Variants in CEP295NL observed in about 807,000 individuals in gnomAD.
CEP295NL encodes CEP295 N-terminal like, also known as protein DDC8 homolog.
In CEP295NL, 3 loss-of-function variants were observed where a neutral mutation model predicts 4.6. That is an observed-to-expected ratio of 0.65 (90% CI 0.30 to 1.69). CEP295NL has a LOEUF of 1.69. Among genes scored for constraint, CEP295NL ranks in the 40% most tolerant of loss-of-function variants. CEP295NL has a pLI of 0.10. For synonymous variants in CEP295NL, 295 were observed against 312.2 expected (o/e 0.94, Z 0.58); for missense variants, 719 against 769.0 (o/e 0.93, Z 0.77).
rs535818197 is a variant in CEP295NL, at chr17:78,890,871, G to T, written c.1633C>A (p.Gln545Lys). ...AGATGGGCCAGTCGAGCTCTTCTTT[G>T]CTCCCTCCTCTCTTTTTCTAGCTCA... ...KAELEKERRE[Q>K]RRARLAHLKS... Residue 545 changes from glutamine to lysine, a missense_variant, in exon 3 of 3, where the codon CAA becomes AAA. Physicochemically the swap from Gln to Lys is moderately conservative, Grantham distance 53. Transcript: ENST00000322630. The T allele has an allele frequency of 1.8e-4, 281 of 1,550,604 alleles. No individual in the cohort carries two copies. The African/African-American group carries it at 3.7e-3, about 20-fold the overall frequency.
In CEP295NL at chr17:78,896,819, C is replaced by G. The variant is rs569595687; in HGVS notation, c.45-4360G>C. On this transcript the variant is annotated intron_variant, in intron 2 of 2. Transcript: ENST00000322630. This position sits in a 1 kb window ranked among gnomAD's most constrained non-coding sequence, Gnocchi z 4.4. The stretch of plus-strand genomic sequence containing the variant: ...ACTGGGCCCATTCTCCTCTCTTGCT[C>G]TCTACAGCCCCGTGGCCCCAGCGCA... 1.6e-6 allele frequency: 1 copy of G among 622,686 alleles called. No homozygotes were observed. The highest frequency in any genetic ancestry group is 1.4e-4 in the East Asian group (1 of 7,184). 38.6% of individuals were successfully genotyped at this position (622,686 alleles called of 1,614,324 possible).
intron 1 of CEP295NL, 21 bp downstream of exon 1, chr17:78,903,113 T>C (rs554821643): frequency 6.6e-6 from 1 of 152,412 alleles, no homozygotes; most frequent in African/African-American, 2.4e-5. Flanking sequence ...AGCCCCGCAG[T>C]GGTCTCAGGG....
Position 78,891,495 on chromosome 17 carries a change from A to G in CEP295NL, c.1009T>C (p.Trp337Arg). 6.4e-7 allele frequency: 1 copy of G among 1,551,132 alleles called. No individual in the cohort carries two copies. The highest frequency in any genetic ancestry group is 8.7e-7 in the Non-Finnish European group (1 of 1,147,122). ...SQCTLREKNKWQKELELAFEE... is the reference protein window; with the variant it reads ...SQCTLREKNKRQKELELAFEE... ...AAGGCCAACTCCAGCTCTTTCTGCC[A>G]CTTGTTCTTCTCCCGGAGCGTGCAC... Residue 337 changes from tryptophan to arginine, a missense_variant, in exon 3 of 3, where the codon TGG becomes CGG. Coordinates refer to ENST00000322630, the MANE Select transcript of CEP295NL (RefSeq NM_001243540.2). The surrounding 1 kb of genome is among the most constrained non-coding windows in gnomAD (Gnocchi z 4.5).
chr17:78,900,779 T>C lies in CEP295NL; in HGVS notation c.44+1006A>G, dbSNP rs1265664161. ...AATCTTACAAGATAAAAAAAGGTAA[T>C]GGGAACACATCTAAAACTTATATGT... On this transcript the variant is annotated intron_variant, in intron 2 of 2. Transcript: ENST00000322630. Among the ~76,000 whole-genome samples the C allele has an allele frequency of 3.9e-5, 6 of 152,142 alleles. No individual in the cohort carries two copies. In the East Asian group the frequency reaches 9.6e-4, roughly 24 times the overall value.
chr17:78,891,641 A>T lies in CEP295NL; in HGVS notation c.863T>A (p.Phe288Tyr). The T allele has an allele frequency of 6.4e-7, 1 of 1,550,876 alleles. No homozygotes were observed. The highest frequency in any genetic ancestry group is 8.7e-7 in the Non-Finnish European group (1 of 1,147,086). ...AGAGCGACTGGTCAGGGCTGGAACA[A>T]AGCAAACTGCCCCCTTTCCCAGTTG... ...RRQLGKGAVCFVPALTSRSQG... is the reference protein window; with the variant it reads ...RRQLGKGAVCYVPALTSRSQG... The change falls in exon 3 of 3, where the codon TTT becomes TAT. Residue 288 changes from phenylalanine to tyrosine, a missense_variant. Transcript: ENST00000322630. This position sits in a 1 kb window ranked among gnomAD's most constrained non-coding sequence, Gnocchi z 4.5.
chr17:78,900,892 A>G (rs936477813), intron 2 of CEP295NL: 12 of 152,290 alleles, frequency 7.9e-5, no homozygotes, highest in Non-Finnish European at 1.0e-4. Context: ...AGAAGGGCCA[A>G]CGTGACTGTC....
intron 2 of CEP295NL, among the ~76,000 whole-genome samples, chr17:78,894,753 A>G (rs2069970830): frequency 6.6e-6 from 1 of 152,294 alleles, no homozygotes; most frequent in Non-Finnish European, 1.5e-5. Flanking sequence ...GATTTCTTAG[A>G]TACAACACCA....
Position 78,891,059 on chromosome 17 carries a change from T to C in CEP295NL, c.1445A>G (p.Glu482Gly). 1 of 1,551,120 alleles carries C rather than the reference T, an allele frequency of 6.4e-7. No homozygotes were observed. Among genetic ancestry groups the C allele is most frequent in the African/African-American group, 1.4e-5 (1 of 73,182 alleles). ...QETPKLGTLA[E>G]GSLQLHLQDQ... Reference sequence around the variant, plus strand: ...TTGAAGGTGGAGCTGAAGGGAGCCCTCTGCCAGCGTGCCCAGTTTGGGGGT... The same window carrying C: ...TTGAAGGTGGAGCTGAAGGGAGCCCCCTGCCAGCGTGCCCAGTTTGGGGGT... Residue 482 changes from glutamate (E) to glycine (G), a missense_variant, in exon 3 of 3, where the codon GAG (glutamate) becomes GGG (glycine). Physicochemically the swap from Glu to Gly is moderately conservative, Grantham distance 98 (BLOSUM62 -2). Coordinates refer to ENST00000322630, the MANE Select transcript of CEP295NL (RefSeq NM_001243540.2). This position sits in a 1 kb window ranked among gnomAD's most constrained non-coding sequence, Gnocchi z 4.5.
chr17:78,891,391 C>T lies in CEP295NL; in HGVS notation c.1113G>A (p.Gln371=), dbSNP rs769609595. Reference sequence around the variant, plus strand: ...AGAAGGCATGCCCTTCCCCAGGTCTCTGGTCCATCCTGGGCTTCAGTGCCA... The same window carrying T: ...AGAAGGCATGCCCTTCCCCAGGTCTTTGGTCCATCCTGGGCTTCAGTGCCA... ...LYLALKPRMD[Q]RPGEGHAFSE... is the part of the protein sequence containing the mutation. The change falls in exon 3 of 3, where the codon CAG becomes CAA. Residue 371 remains glutamine (Q), a synonymous_variant. Transcript: ENST00000322630. The surrounding 1 kb of genome is among the most constrained non-coding windows in gnomAD (Gnocchi z 4.5). The T allele has an allele frequency of 2.9e-4, 446 of 1,550,616 alleles. No individual in the cohort carries two copies. Among genetic ancestry groups the T allele is most frequent in the Non-Finnish European group, 3.4e-4 (387 of 1,147,050 alleles).
rs1402313992 is a variant in CEP295NL, at chr17:78,891,635, G to A, written c.869C>T (p.Pro290Leu). ...QLGKGAVCFV[P>L]ALTSRSQGQS... ...TCCCTGAGAGCGACTGGTCAGGGCT[G>A]GAACAAAGCAAACTGCCCCCTTTCC... Residue 290 changes from proline (P) to leucine (L), a missense_variant, in exon 3 of 3, where the codon CCA becomes CTA. Physicochemically the swap from Pro to Leu is moderately conservative, Grantham distance 98. Coordinates refer to ENST00000322630, the MANE Select transcript of CEP295NL (RefSeq NM_001243540.2). This position sits in a 1 kb window ranked among gnomAD's most constrained non-coding sequence, Gnocchi z 4.5. 8 of 1,550,818 alleles carry A rather than the reference G, an allele frequency of 5.2e-6. No individual in the cohort carries two copies. The highest frequency in any genetic ancestry group is 1.7e-4 in the Middle Eastern group (1 of 6,014).
intron 2 of CEP295NL, chr17:78,899,967 T>G (rs183672125): frequency 9.2e-5 from 14 of 152,316 alleles, no homozygotes; most frequent in Admixed American, 2.6e-4. Context: ...TCCATATAAT[T>G]AGAGCTTACC....
At position 78,896,362 on chromosome 17, in the gene CEP295NL, C is replaced by A. The variant is rs1001895824; in HGVS notation, c.45-3903G>T. 6.6e-6 allele frequency among the ~76,000 whole-genome samples: 1 copy of A among 152,202 alleles called. No individual in the cohort carries two copies. Among genetic ancestry groups the A allele is most frequent in the African/African-American group, 2.4e-5 (1 of 41,448 alleles). ...CTCTGCCTGTGATGCCCAGGCTGAT[C>A]TCCAGGCAGCCCAGTGTCTCTCCAG... On this transcript the variant is annotated intron_variant, in intron 2 of 2. Transcript: ENST00000322630. This position sits in a 1 kb window ranked among gnomAD's most constrained non-coding sequence, Gnocchi z 4.4.
At chr17:78,895,433 C>T (rs1045867528) in intron 2 of CEP295NL, among the ~76,000 whole-genome samples, 24 of 152,208 alleles carry the variant, frequency 1.6e-4, no homozygotes, top group Admixed American at 1.6e-3. Context: ...GTCCTGCCAC[C>T]TCACATCCAC....
chr17:78,897,455 G>GT (rs2070020892), intron 2 of CEP295NL: 1 of 152,218 alleles, frequency 6.6e-6, no homozygotes, highest in Non-Finnish European at 1.5e-5. Flanking sequence ...CAGGGCGGTT[G>GT]TAACAAAGGC....
In CEP295NL at chr17:78,891,304, C is replaced by A. The variant is rs1314621932; in HGVS notation, c.1200G>T (p.Met400Ile). Residue 400 changes from methionine to isoleucine, a missense_variant, in exon 3 of 3, where the codon ATG becomes ATT. Physicochemically the swap from Met to Ile is conservative, Grantham distance 10. Transcript: ENST00000322630. The surrounding 1 kb of genome is among the most constrained non-coding windows in gnomAD (Gnocchi z 4.5). ...GGCTCCTGGGTTCCCCGGCAGGCAG[C>A]ATCTCTGGGTCTGCCATTTTCTTCC... The part of the protein sequence containing the change: ...PRGKKMADPE[M>I]LPAGEPRSPA... 1 of 1,550,552 alleles carries A rather than the reference C, an allele frequency of 6.4e-7. No homozygotes were observed. Among genetic ancestry groups the A allele is most frequent in the Non-Finnish European group, 8.7e-7 (1 of 1,146,966 alleles).
chr17:78,893,488 G>C (rs2069950032), intron 2 of CEP295NL, among the ~76,000 whole-genome samples: 1 of 148,196 alleles, frequency 6.7e-6, no homozygotes, highest in South Asian at 2.1e-4. Context: ...TGTGTGTGCA[G>C]GGGTGTGTGC....
Position 78,892,393 on chromosome 17 carries a change from A to C in CEP295NL, c.111T>G (p.Thr37=). The C allele has an allele frequency of 6.4e-7, 1 of 1,550,516 alleles. No individual in the cohort carries two copies. The highest frequency in any genetic ancestry group is 8.7e-7 in the Non-Finnish European group (1 of 1,146,996). Residue 37 remains threonine (T), a synonymous_variant, in exon 3 of 3, where the codon ACT becomes ACG. Transcript: ENST00000322630. The part of the protein sequence containing the change: ...SGPGAPLEPS[T]LGSKHLPWEA... ...CCCAGGGAAGGTGCTTGGAGCCAAGAGTGGAGGGTTCAAGGGGCGCCCCCG... is the reference window on the plus strand; with the variant it reads ...CCCAGGGAAGGTGCTTGGAGCCAAGCGTGGAGGGTTCAAGGGGCGCCCCCG...
chr17:78,891,109 C>G lies in CEP295NL; in HGVS notation c.1395G>C (p.Leu465Phe), dbSNP rs1300095518. The G allele has an allele frequency of 6.4e-7, 1 of 1,550,822 alleles. No homozygotes were observed. Reference sequence around the variant, plus strand: ...TCTCTTGTCCAGATTCAGTGCTATACAATAATGAGTCCTCTTTGTTGATAA... The same window carrying G: ...TCTCTTGTCCAGATTCAGTGCTATAGAATAATGAGTCCTCTTTGTTGATAA... ...GIFINKEDSLLYSTESGQETP... is the reference protein window; with the variant it reads ...GIFINKEDSLFYSTESGQETP... The change falls in exon 3 of 3, where the codon TTG becomes TTC. Residue 465 changes from leucine (L) to phenylalanine (F), a missense_variant. Transcript: ENST00000322630. The surrounding 1 kb of genome is among the most constrained non-coding windows in gnomAD (Gnocchi z 4.5).
chr17:78,893,523 ATC>A (rs1474778409), intron 2 of CEP295NL, among the ~76,000 whole-genome samples: 7 of 146,272 alleles, frequency 4.8e-5, no homozygotes, highest in Non-Finnish European at 1.0e-4. Flanking sequence ...GCGTGTGCAC[ATC>A]TGTTTATGTT....
Sources: gnomAD v4.1 joint callset for allele counts (sites outside exome capture counted in the v4.1 genomes callset) on GRCh38, gnomAD v4.1.1 for gene constraint, Gnocchi (gnomAD v3.1) non-coding constraint, MANE v1.5 for transcripts, NCBI Gene and HGNC (gene_info 2026-07-23, HGNC 2026-07-21) for gene names.